The following LASP1 variants were observed in gnomAD, a reference collection of about 807,000 sequenced individuals.
The protein encoded by LASP1 is LIM and SH3 domain protein 1.
In LASP1, 10 loss-of-function variants were observed where a neutral mutation model predicts 38.6. The observed-to-expected ratio is 0.26, with a 90% confidence interval of 0.16 to 0.44. The LOEUF is 0.44. Among genes scored for constraint, LASP1 ranks in the 20% least tolerant of loss-of-function variants. LASP1 has a pLI of 1.00. For synonymous variants in LASP1, 132 were observed against 140.8 expected, an observed-to-expected ratio of 0.94 and a Z score of 0.44; for missense variants, 243 against 375.7, an observed-to-expected ratio of 0.65 and a Z score of 2.92.
chr17:38,901,788 C>T (rs1423582769), intron 4 of LASP1, among the ~76,000 whole-genome samples: 8 of 151,940 alleles, frequency 5.3e-5, no homozygotes, highest in Admixed American at 1.3e-4. Flanking sequence ...TTTTTTGAGA[C>T]GGAGCCTTGG....
chr17:38,916,215 A>G (rs768185052), intron 6 of LASP1: 1 of 152,360 alleles, frequency 6.6e-6, no homozygotes, highest in Non-Finnish European at 1.5e-5. Flanking sequence ...CAGCGGTGAC[A>G]CGCTGTGAAG....
intron 5 of LASP1, 23 bp from the exon 6 acceptor site, chr17:38,915,020 C>T: frequency 6.2e-7 from 1 of 1,609,802 alleles, no homozygotes; most frequent in Non-Finnish European, 8.5e-7. Context: ...AGTTTCCAAG[C>T]CCTGTCTCCT....
intron 3 of LASP1, among the ~76,000 whole-genome samples, chr17:38,897,510 T>A (rs1361913468): frequency 6.6e-6 from 1 of 152,138 alleles, no homozygotes; most frequent in African/African-American, 2.4e-5. Context: ...GTTCCATGAG[T>A]TTTCTCAGCC....
rs1422344731 is a variant in LASP1 at position 38,915,157 on chromosome 17, C to G, written c.612+11C>G. The G allele has an allele frequency of 7.4e-6, 12 of 1,611,648 alleles. No homozygotes were observed. Among genetic ancestry groups the G allele is most frequent in the Non-Finnish European group, 1.0e-5 (12 of 1,178,314 alleles). On this transcript the variant is annotated intron_variant, in intron 6 of 6. Coordinates refer to ENST00000318008, the MANE Select transcript of LASP1 (RefSeq NM_006148.4). ...CCAGGTGGTGGCGGGGTGAGTAACC[C>G]TGGCCGGAGGGGAGAGGCCAGAGGC...
intron 2 of LASP1, among the ~76,000 whole-genome samples, chr17:38,880,832 A>G (rs1022500931): frequency 4.6e-5 from 7 of 151,770 alleles, no homozygotes; most frequent in African/African-American, 1.5e-4. Flanking sequence ...GAGGCCTGGC[A>G]TAGTGGCTCA....
intron 3 of LASP1, among the ~76,000 whole-genome samples, chr17:38,891,214 G>C (rs975873517): frequency 6.6e-6 from 1 of 151,938 alleles, no homozygotes; most frequent in South Asian, 2.1e-4. Flanking sequence ...GGGGTGGGGC[G>C]GGGCTTCAGC....
At chr17:38,880,239 C>T (rs1368307247) in intron 2 of LASP1, among the ~76,000 whole-genome samples, 1 of 152,236 alleles carries the variant, frequency 6.6e-6, no homozygotes, top group Admixed American at 6.5e-5. Context: ...CTCAAGCAGC[C>T]TAGAATTCAG....
chr17:38,898,898 G>A (rs977395886), intron 4 of LASP1: 5 of 381,746 alleles, frequency 1.3e-5, no homozygotes, highest in African/African-American at 4.2e-5. Context: ...CCTGGTCTGC[G>A]CCTGGGTGCT....
rs995678669 is a variant in LASP1, at chr17:38,872,739, C to A, written c.69+2481C>A. Among the ~76,000 whole-genome samples the A allele has an allele frequency of 8.5e-5, 13 of 152,130 alleles. No individual in the cohort carries two copies. The East Asian group carries it at 2.3e-3, about 27-fold the overall frequency. Reference sequence around the variant, plus strand: ...TAGACTCACCCGTTTCTCTACAATCCCCCATGGTACTCAGCCCACTACGTG... The same window carrying A: ...TAGACTCACCCGTTTCTCTACAATCACCCATGGTACTCAGCCCACTACGTG... On this transcript the variant is annotated intron_variant, in intron 1 of 6. Coordinates refer to ENST00000318008, the MANE Select transcript of LASP1 (RefSeq NM_006148.4).
intron 3 of LASP1, among the ~76,000 whole-genome samples, chr17:38,896,483 G>A (rs564109196): frequency 1.3e-5 from 2 of 152,322 alleles, no homozygotes; most frequent in Middle Eastern, 6.8e-3. Flanking sequence ...GGGAGGGGGA[G>A]GCAGAAGCAG....
chr17:38,870,288 G>A (rs748214177), intron 1 of LASP1, 30 bp downstream of exon 1: 2 of 1,610,388 alleles, frequency 1.2e-6, no homozygotes, highest in South Asian at 2.2e-5. Flanking sequence ...ACGCGTCTTT[G>A]CAATCCCCCG....
In LASP1 at chr17:38,919,059, TGGCCTGTG is replaced by T; in HGVS notation, c.*287_*294del. The T allele has an allele frequency of 9.2e-6, 3 of 325,496 alleles. No homozygotes were observed. In the South Asian group the frequency reaches 1.3e-4, roughly 14 times the overall value. The allele number at this position is 325,496 out of a possible 1,614,324, so 20.2% of individuals were successfully genotyped here. A position where few individuals can be genotyped will look rare whatever the true frequency, so the allele number is the denominator to read the frequency against. ...GGCAGGGCTGGAATGGGAGACCTGT[TGGCCTGTG>T]GGCCTCACCTGCCCCTCTGTTCTCT... On this transcript the variant is annotated 3_prime_UTR_variant, in exon 7 of 7. Transcript: ENST00000318008.
At chr17:38,886,150 G>GTCTCGC (rs1157872823) in intron 2 of LASP1, among the ~76,000 whole-genome samples, 1 of 148,188 alleles carries the variant, frequency 6.7e-6, no homozygotes, top group African/African-American at 2.5e-5. Flanking sequence ...CTCTCTCTCT[G>GTCTCGC]TCTCGCTCTC....
chr17:38,898,651 G>A (rs1214897538), intron 4 of LASP1, 132 bp downstream of exon 4: 1 of 725,356 alleles, frequency 1.4e-6, no homozygotes, highest in Non-Finnish European at 2.5e-6. Context: ...TCCAGGGTGG[G>A]CCTGGGGAAG....
intron 3 of LASP1, among the ~76,000 whole-genome samples, chr17:38,894,651 TACAC>T (rs1416561135): frequency 5.9e-5 from 9 of 152,246 alleles, no homozygotes; most frequent in East Asian, 1.9e-4. Flanking sequence ...AGCTGGGAAA[TACAC>T]ACAGCAACCT....
intron 2 of LASP1, among the ~76,000 whole-genome samples, chr17:38,880,761 A>G (rs1023934669): frequency 2.6e-5 from 4 of 152,166 alleles, no homozygotes; most frequent in African/African-American, 9.7e-5. Flanking sequence ...CCCGCTTGCA[A>G]GGAGTGCTCT....
At chr17:38,907,230 C>T (rs1176073073) in intron 4 of LASP1, among the ~76,000 whole-genome samples, 3 of 152,144 alleles carry the variant, frequency 2.0e-5, no homozygotes, top group Non-Finnish European at 4.4e-5. Flanking sequence ...CTGAGCCTCA[C>T]TTTTTCTCAG....
At chr17:38,909,606 C>CAA (rs980117636) in intron 4 of LASP1, among the ~76,000 whole-genome samples, 2 of 136,082 alleles carry the variant, frequency 1.5e-5, no homozygotes, top group Non-Finnish European at 3.2e-5. Flanking sequence ...GACTCCATCT[C>CAA]AAAAAAAAAA....
Position 38,873,520 on chromosome 17 carries a change from G to A in LASP1, c.69+3262G>A, listed in dbSNP as rs567445874. Among the ~76,000 whole-genome samples, 7 of 152,284 alleles carry A rather than the reference G, an allele frequency of 4.6e-5. No homozygotes were observed. The South Asian group carries it at 1.5e-3, about 32-fold the overall frequency. On this transcript the variant is annotated intron_variant, in intron 1 of 6. Transcript: ENST00000318008. ...GCTCAGCTCTTCTGCCAGTGTGTTT[G>A]CAGAAAGTACTTTTATTTATACATA...
Sources: allele counts gnomAD v4.1 joint callset (sites outside exome capture counted in the v4.1 genomes callset), GRCh38; gene constraint gnomAD v4.1.1; transcripts MANE v1.5; gene names NCBI Gene and HGNC (gene_info 2026-07-23, HGNC 2026-07-21).